The following PIAS4 variants were observed in gnomAD, a reference collection of about 807,000 sequenced individuals.
PIAS4 encodes E3 SUMO-protein ligase PIAS4.
Under a neutral mutation model 58.0 loss-of-function variants are expected in PIAS4, and 7 were observed. That is an observed-to-expected ratio of 0.12 (90% CI 0.07 to 0.23). The LOEUF (loss-of-function observed/expected upper bound fraction) is 0.23, where lower values mean the gene tolerates loss of function less well. Among genes scored for constraint, PIAS4 ranks in the 10% least tolerant of loss-of-function variants. PIAS4 has a pLI of 1.00. For missense variants in PIAS4, 550 were observed against 709.5 expected, an observed-to-expected ratio of 0.78 and a Z score of 2.55; for synonymous variants, 364 against 312.4, an observed-to-expected ratio of 1.17 and a Z score of -1.74.
In PIAS4 at chr19:4,037,642, C is replaced by T. The variant is rs763666380; in HGVS notation, c.1300C>T (p.Pro434Ser). Residue 434 changes from proline to serine, a missense_variant, in exon 11 of 11, where the codon CCC becomes TCC. Transcript: ENST00000262971. The surrounding 1 kb of genome is among the most constrained non-coding windows in gnomAD (Gnocchi z 5.8). ...LGPSDANGLL[P>S]APSVNGSGAL... is the part of the protein sequence containing the mutation. ...CCCCTCGGACGCCAATGGGCTCCTGCCCGCCCCCAGCGTCAACGGGAGCGG... is the reference window on the plus strand; with the variant it reads ...CCCCTCGGACGCCAATGGGCTCCTGTCCGCCCCCAGCGTCAACGGGAGCGG... 1.9e-6 allele frequency: 3 copies of T among 1,611,454 alleles called. No individual in the cohort carries two copies. Among genetic ancestry groups the T allele is most frequent in the East Asian group, 2.2e-5 (1 of 44,870 alleles).
At position 4,038,359 on chromosome 19, in the gene PIAS4, C is replaced by A. The variant is rs2040326253; in HGVS notation, c.*484C>A. 6.8e-6 allele frequency: 1 copy of A among 147,246 alleles called. No individual in the cohort carries two copies. Among genetic ancestry groups the A allele is most frequent in the African/African-American group, 2.5e-5 (1 of 40,418 alleles). 9.1% of individuals were successfully genotyped at this position (147,246 alleles called of 1,614,324 possible). A position where few individuals can be genotyped will look rare whatever the true frequency, so the allele number is the denominator to read the frequency against. The stretch of plus-strand genomic sequence containing the variant: ...TGTCTCTTCCTTTGCTTTTTCTCTG[C>A]AAATGCATCCTCGCCCAGAGACCCT... On this transcript the variant is annotated 3_prime_UTR_variant, in exon 11 of 11. Transcript: ENST00000262971. This position sits in a 1 kb window ranked among gnomAD's most constrained non-coding sequence, Gnocchi z 4.1.
At chr19:4,026,776 A>T (rs1240094171) in intron 3 of PIAS4, among the ~76,000 whole-genome samples, 1 of 152,116 alleles carries the variant, frequency 6.6e-6, no homozygotes, top group African/African-American at 2.4e-5. Context: ...TCCGCCTCCC[A>T]GGTTCAAGTG....
At chr19:4,031,294 C>T (rs1420379620) in intron 7 of PIAS4, among the ~76,000 whole-genome samples, 1 of 152,182 alleles carries the variant, frequency 6.6e-6, no homozygotes. Context: ...TGCACTCCAG[C>T]CCCCCAAGTC....
chr19:4,015,476 C>G (rs2040043262), intron 2 of PIAS4, among the ~76,000 whole-genome samples: 5 of 152,216 alleles, frequency 3.3e-5, no homozygotes, highest in Admixed American at 2.6e-4. Flanking sequence ...CTGCCTCTCT[C>G]TCCCACTGGC....
intron 9 of PIAS4, among the ~76,000 whole-genome samples, chr19:4,035,570 T>C (rs1033327125): frequency 6.6e-6 from 1 of 152,078 alleles, no homozygotes; most frequent in African/African-American, 2.4e-5. Flanking sequence ...GTGGCTGGCA[T>C]GGGCGTGGGG....
Position 4,013,476 on chromosome 19 carries a change from G to A in PIAS4, c.454+127G>A. 1.3e-6 allele frequency: 1 copy of A among 757,986 alleles called. No individual in the cohort carries two copies. The highest frequency in any genetic ancestry group is 2.1e-6 in the Non-Finnish European group (1 of 471,796). The allele number at this position is 757,986 out of a possible 1,614,324, so 47.0% of individuals were successfully genotyped here. On this transcript the variant is annotated intron_variant, in intron 2 of 10. Transcript: ENST00000262971. The surrounding 1 kb of genome is among the most constrained non-coding windows in gnomAD (Gnocchi z 5.1). ...GGCGCAGCCAGGGCGGGGAGCCACA[G>A]TGGCCAGGGGTGTCCTTCCTCGGAA...
chr19:4,022,524 A>G (rs1190864704), intron 2 of PIAS4, among the ~76,000 whole-genome samples: 1 of 148,822 alleles, frequency 6.7e-6, no homozygotes, highest in African/African-American at 2.5e-5. Flanking sequence ...CTGCCACTAC[A>G]CCCAGCTAAT....
At chr19:4,035,525 A>T (rs1167836586) in intron 9 of PIAS4, among the ~76,000 whole-genome samples, 1 of 152,034 alleles carries the variant, frequency 6.6e-6, no homozygotes, top group Non-Finnish European at 1.5e-5. Flanking sequence ...TCCGAGTAAA[A>T]AGGCCGGACA....
chr19:4,031,006 G>A (rs1006170144), intron 7 of PIAS4, among the ~76,000 whole-genome samples: 4 of 152,186 alleles, frequency 2.6e-5, no homozygotes, highest in Non-Finnish European at 5.9e-5. Context: ...CCCCCTTCCC[G>A]AATGGTGGCT....
rs561223209 is a variant in PIAS4 at position 4,033,361 on chromosome 19, C to T, written c.982-59C>T. 5 of 1,482,978 alleles carry T rather than the reference C, an allele frequency of 3.4e-6. No individual in the cohort carries two copies. In the South Asian group the frequency reaches 3.7e-5, roughly 11 times the overall value. The allele number at this position is 1,482,978 out of a possible 1,614,324, so 91.9% of individuals were successfully genotyped here. A position where few individuals can be genotyped will look rare whatever the true frequency, so the allele number is the denominator to read the frequency against. On this transcript the variant is annotated intron_variant, in intron 8 of 10. Coordinates refer to ENST00000262971, the MANE Select transcript of PIAS4 (RefSeq NM_015897.4). ...ACAGGATGGAGCTGGGGGTGAGGGGCACCGGGCAGGCGGGCACAACAGGAG... is the reference window on the plus strand; with the variant it reads ...ACAGGATGGAGCTGGGGGTGAGGGGTACCGGGCAGGCGGGCACAACAGGAG...
At chr19:4,034,156 G>A (rs55837899) in intron 9 of PIAS4, among the ~76,000 whole-genome samples, 17,651 of 152,234 alleles carry the variant, frequency 0.12, 1,309 homozygotes, top group Non-Finnish European at 0.16. Context: ...GGTGCCTGAT[G>A]CGGCTCCTGC....
At position 4,033,088 on chromosome 19, in the gene PIAS4, C is replaced by G. The variant is rs762800973; in HGVS notation, c.908-12C>G. On this transcript the variant is annotated splice_polypyrimidine_tract_variant and intron_variant, in intron 7 of 10. Coordinates refer to ENST00000262971, the MANE Select transcript of PIAS4 (RefSeq NM_015897.4). ...CACCCTCCTGACGGTGTCTTCCGTT[C>G]CCTCCCCACAGTCAAGGAGAAGCTG... The G allele has an allele frequency of 6.2e-7, 1 of 1,609,724 alleles. No homozygotes were observed.
At chr19:4,018,411 T>C (rs943656514) in intron 2 of PIAS4, 6 of 152,258 alleles carry the variant, frequency 3.9e-5, no homozygotes, top group African/African-American at 1.4e-4. Flanking sequence ...CCTGGCAGCC[T>C]TGGGTGGAGC....
chr19:4,035,648 A>C (rs1243538970), intron 9 of PIAS4, among the ~76,000 whole-genome samples: 2 of 151,582 alleles, frequency 1.3e-5, no homozygotes. Context: ...CAGCACCTTC[A>C]CTCCAGCCTG....
At chr19:4,012,673 G>T (rs1317241510) in intron 1 of PIAS4, among the ~76,000 whole-genome samples, 1 of 152,066 alleles carries the variant, frequency 6.6e-6, no homozygotes, top group Admixed American at 6.6e-5. Flanking sequence ...AAATAGAAGG[G>T]GGGGCCTAGT....
Position 4,028,860 on chromosome 19 carries a change from C to T in PIAS4, c.801+12C>T, listed in dbSNP as rs1438430517. 1.2e-6 allele frequency: 2 copies of T among 1,613,240 alleles called. 1 individual carries two copies. Among genetic ancestry groups the T allele is most frequent in the South Asian group, 2.2e-5 (2 of 91,084 alleles). ...GGAACTACGGCAAGGTGAGTGCGTG[C>T]CCGGGTGCCCACCCTGCCCCCCAAC... On this transcript the variant is annotated intron_variant, in intron 6 of 10. Transcript: ENST00000262971.
chr19:4,013,861 G>A lies in PIAS4; in HGVS notation c.454+512G>A, dbSNP rs1248928194. ...TAGCGAGTGTGCACCTCCAAGCTGG[G>A]AGCTGGAGCCCTTTTTATAACCCAA... On this transcript the variant is annotated intron_variant, in intron 2 of 10. Transcript: ENST00000262971. This position sits in a 1 kb window ranked among gnomAD's most constrained non-coding sequence, Gnocchi z 5.1. 1.3e-5 allele frequency among the ~76,000 whole-genome samples: 2 copies of A among 152,130 alleles called. No individual in the cohort carries two copies. Among genetic ancestry groups the A allele is most frequent in the Non-Finnish European group, 2.9e-5 (2 of 68,020 alleles).
intron 2 of PIAS4, among the ~76,000 whole-genome samples, chr19:4,018,207 G>C (rs2144914429): frequency 6.6e-6 from 1 of 152,356 alleles, no homozygotes; most frequent in South Asian, 2.1e-4. Context: ...CAGCAGAGCA[G>C]TCCGGCCGGC....
Position 4,037,958 on chromosome 19 carries a change from T to C in PIAS4, c.*83T>C, listed in dbSNP as rs940181220. On this transcript the variant is annotated 3_prime_UTR_variant, in exon 11 of 11. Transcript: ENST00000262971. This position sits in a 1 kb window ranked among gnomAD's most constrained non-coding sequence, Gnocchi z 5.8. ...CTCGGGCGCAGAGGGAGGAGTGACC[T>C]TTCTTTTTCTTTTTATTGTCGTTCG... 1.4e-6 allele frequency: 2 copies of C among 1,383,154 alleles called. No individual in the cohort carries two copies. The highest frequency in any genetic ancestry group is 1.9e-6 in the Non-Finnish European group (2 of 1,034,004). 85.7% of individuals were successfully genotyped at this position (1,383,154 alleles called of 1,614,324 possible).
Sources: allele counts gnomAD v4.1 joint callset (sites outside exome capture counted in the v4.1 genomes callset), GRCh38; gene constraint gnomAD v4.1.1; non-coding constraint Gnocchi (gnomAD v3.1); transcripts MANE v1.5; gene names NCBI Gene and HGNC (gene_info 2026-07-23, HGNC 2026-07-21).